The following HS6ST2 variants were observed in gnomAD, a reference collection of about 807,000 sequenced individuals.
HS6ST2 encodes heparan sulfate 6-O-sulfotransferase 2.
HS6ST2 carries 17 observed loss-of-function variants against 33.0 expected under a neutral mutation model. The observed-to-expected ratio is 0.52, with a 90% CI of 0.35 to 0.77. The LOEUF is 0.77. Ranked by LOEUF, HS6ST2 falls within the 30% of genes least tolerant of loss-of-function variation. HS6ST2 has a pLI of 0.01. For synonymous variants in HS6ST2, 248 were observed against 237.1 expected (o/e 1.05, Z -0.42); for missense variants, 519 against 551.7 (o/e 0.94, Z 0.59).
Position 132,751,487 on chromosome X carries a change from C to A in HS6ST2, c.948-42993G>T, listed in dbSNP as rs1168609616. 8.0e-5 allele frequency among the ~76,000 whole-genome samples: 9 copies of A among 112,039 alleles called. No homozygotes were observed. In the Admixed American group the frequency reaches 8.5e-4, roughly 11 times the overall value. On this transcript the variant is annotated intron_variant, in intron 2 of 4. Transcript: ENST00000370833. Reference sequence around the variant, plus strand: ...CTCCTAGCTCCCAGGGATCTGAGTGCAAAGCCCAGACAGGGGTCATCACAC... The same window carrying A: ...CTCCTAGCTCCCAGGGATCTGAGTGAAAAGCCCAGACAGGGGTCATCACAC...
intron 2 of HS6ST2, among the ~76,000 whole-genome samples, chrX:132,767,031 C>T (rs1001623327): frequency 8.9e-6 from 1 of 111,802 alleles, no homozygotes; most frequent in Non-Finnish European, 1.9e-5. Context: ...GACCTGATTA[C>T]AAAGGACTTC....
At chrX:132,723,663 AC>A (rs2064359756) in intron 2 of HS6ST2, among the ~76,000 whole-genome samples, 1 of 112,186 alleles carries the variant, frequency 8.9e-6, no homozygotes, top group Admixed American at 9.4e-5. Flanking sequence ...TATACAAGGA[AC>A]ATAGCTCAAC....
chrX:132,907,195 A>T (rs1216297801), intron 2 of HS6ST2: 1 of 112,228 alleles, frequency 8.9e-6, no homozygotes, highest in Non-Finnish European at 1.9e-5. Context: ...AGCAACATAA[A>T]TGGACTAAGA....
chrX:132,937,468 C>A (rs1452957318), intron 2 of HS6ST2, among the ~76,000 whole-genome samples: 2 of 111,888 alleles, frequency 1.8e-5, no homozygotes. Context: ...ATAGTAACCA[C>A]AACAACATGA....
intron 2 of HS6ST2, among the ~76,000 whole-genome samples, chrX:132,897,293 A>C (rs1431058476): frequency 9.1e-6 from 1 of 110,426 alleles, no homozygotes; most frequent in Non-Finnish European, 1.9e-5. Flanking sequence ...AGGGATGCAA[A>C]GAATCGTGGT....
At chrX:132,932,110 C>T (rs1445282574) in intron 2 of HS6ST2, among the ~76,000 whole-genome samples, 3 of 106,144 alleles carry the variant, frequency 2.8e-5, no homozygotes, top group African/African-American at 1.0e-4. Flanking sequence ...GGCGTGAACC[C>T]GGGAGGCGGA....
At chrX:132,640,208 G>A (rs1484800428) in intron 4 of HS6ST2, among the ~76,000 whole-genome samples, 1 of 110,260 alleles carries the variant, frequency 9.1e-6, no homozygotes, top group East Asian at 2.9e-4. Context: ...AGGGGGCGGG[G>A]GCAGATAGAG....
rs772675806 is a variant in HS6ST2 at position 132,652,279 on chromosome X, T to TC, written c.1067+16833dup. On this transcript the variant is annotated intron_variant, in intron 4 of 4. Transcript: ENST00000370833. ...GTCCCTAGACAGTTTCTCTCACACC[T>TC]CCCCCTATTGTTCTGTTTCTTCTAT... Among the ~76,000 whole-genome samples the TC allele has an allele frequency of 9.9e-4, 110 of 111,665 alleles. 5 individuals carry two copies. The highest frequency in any genetic ancestry group is 1.9e-4 in the Non-Finnish European group (10 of 53,110).
chrX:132,767,728 C>T (rs1053005709), intron 2 of HS6ST2, among the ~76,000 whole-genome samples: 1 of 111,097 alleles, frequency 9.0e-6, no homozygotes, highest in Non-Finnish European at 1.9e-5. Context: ...CTTTATTGTG[C>T]CTCTATGCTC....
chrX:132,846,900 C>G (rs2065754993), intron 2 of HS6ST2, among the ~76,000 whole-genome samples: 1 of 110,341 alleles, frequency 9.1e-6, no homozygotes, highest in Non-Finnish European at 1.9e-5. Flanking sequence ...GAGCACAGCA[C>G]CTCCTAATGA....
At chrX:132,735,441 T>C (rs1257706091) in intron 2 of HS6ST2, 1 of 111,472 alleles carries the variant, frequency 9.0e-6, no homozygotes, top group African/African-American at 3.3e-5. Flanking sequence ...TTCCAAGAAA[T>C]TCCAAGGAAA....
At chrX:132,769,690 G>A (rs2064878719) in intron 2 of HS6ST2, among the ~76,000 whole-genome samples, 1 of 112,590 alleles carries the variant, frequency 8.9e-6, no homozygotes, top group Non-Finnish European at 1.9e-5. Context: ...CAATAGGCAT[G>A]TTGTCACGGT....
chrX:132,945,533 C>T (rs1181165729), intron 2 of HS6ST2, among the ~76,000 whole-genome samples: 1 of 110,969 alleles, frequency 9.0e-6, no homozygotes, highest in Non-Finnish European at 1.9e-5. Context: ...ATAAATCATG[C>T]TGCCATAAAG....
At chrX:132,673,027 T>A (rs1487814260) in intron 3 of HS6ST2, among the ~76,000 whole-genome samples, 1 of 112,033 alleles carries the variant, frequency 8.9e-6, no homozygotes, top group African/African-American at 3.2e-5. Flanking sequence ...TCATCTCAGA[T>A]CCCTGAAAAA....
At chrX:132,954,384 C>T (rs1302006423) in intron 2 of HS6ST2, among the ~76,000 whole-genome samples, 1 of 111,783 alleles carries the variant, frequency 8.9e-6, no homozygotes, top group Non-Finnish European at 1.9e-5. Flanking sequence ...CAGCTTCTCA[C>T]CCCCACATTT....
At chrX:132,758,770 A>G (rs1039134884) in intron 2 of HS6ST2, among the ~76,000 whole-genome samples, 1 of 111,774 alleles carries the variant, frequency 8.9e-6, no homozygotes, top group African/African-American at 3.2e-5. Flanking sequence ...ATCCCGTAGT[A>G]TTTTCACCGA....
intron 2 of HS6ST2, among the ~76,000 whole-genome samples, chrX:132,835,915 G>T (rs967400380): frequency 9.0e-6 from 1 of 111,629 alleles, no homozygotes; most frequent in South Asian, 3.9e-4. Flanking sequence ...GACTGTCTGG[G>T]GTGGAGGGGG....
At chrX:132,960,710 G>A (rs1023121821), upstream of HS6ST2, among the ~76,000 whole-genome samples, 18 of 111,735 alleles carry the variant, frequency 1.6e-4, no homozygotes, top group African/African-American at 5.9e-4. Context: ...AGGTGGGGCT[G>A]TAAAGTTCAG....
rs1257971724 is a variant in HS6ST2 at position 132,787,186 on chromosome X, T to TATATATATACAC, written c.948-78693_948-78692insGTGTATATATAT. Among the ~76,000 whole-genome samples the TATATATATACAC allele has an allele frequency of 5.2e-5, 4 of 77,146 alleles. 2 individuals carry two copies. Among genetic ancestry groups the TATATATATACAC allele is most frequent in the African/African-American group, 2.4e-4 (4 of 16,957 alleles). 67.0% of individuals were successfully genotyped at this position (77,146 alleles called of 115,157 possible). A position where few individuals can be genotyped will look rare whatever the true frequency, so the allele number is the denominator to read the frequency against. On this transcript the variant is annotated intron_variant, in intron 2 of 4. Coordinates refer to ENST00000370833, the MANE Select transcript of HS6ST2 (RefSeq NM_001394073.1). Reference sequence around the variant, plus strand: ...ATATATGTATATATATATATATATATACATATATATATACACATATATATA... The same window carrying TATATATATACAC: ...ATATATGTATATATATATATATATATATATATATACACACATATATATATACACATATATATA...
Sources: gnomAD v4.1 joint callset for allele counts (sites outside exome capture counted in the v4.1 genomes callset) on GRCh38, gnomAD v4.1.1 for gene constraint, MANE v1.5 for transcripts, NCBI Gene and HGNC (gene_info 2026-07-23, HGNC 2026-07-21) for gene names.